Variants in THSD4 observed in about 807,000 individuals in gnomAD.
THSD4 encodes thrombospondin type-1 domain-containing protein 4.
Under a neutral mutation model 119.0 loss-of-function variants are expected in THSD4, and 69 were observed. The observed-to-expected ratio is 0.58, with a 90% CI of 0.48 to 0.71. THSD4 has a LOEUF of 0.71. Ranked by LOEUF, THSD4 falls within the 30% of genes least tolerant of loss-of-function variation. The pLI, the probability that THSD4 is intolerant of heterozygous loss-of-function variation, is 0.00. For missense variants in THSD4, 1,393 were observed against 1,391.1 expected, an observed-to-expected ratio of 1.00 and a Z score of -0.02; for synonymous variants, 524 against 540.4, an observed-to-expected ratio of 0.97 and a Z score of 0.42.
chr15:71,754,634 A>G (rs560500492), intron 14 of THSD4, among the ~76,000 whole-genome samples: 1 of 152,352 alleles, frequency 6.6e-6, no homozygotes, highest in Admixed American at 6.5e-5. Flanking sequence ...AGCAAAGGAC[A>G]TGAAAAATGT....
rs750577790 is a variant in THSD4, at chr15:71,419,612, A to G, written c.1152+7789A>G. Reference sequence around the variant, plus strand: ...CTACTTTTTTGATGTAGGTGCTTATAAGTATAAACATCCCTCTTAGTACTG... The same window carrying G: ...CTACTTTTTTGATGTAGGTGCTTATGAGTATAAACATCCCTCTTAGTACTG... On this transcript the variant is annotated intron_variant, in intron 7 of 17. Transcript: ENST00000261862. Among the ~76,000 whole-genome samples, 5 of 108,218 alleles carry G rather than the reference A, an allele frequency of 4.6e-5. 1 individual carries two copies. The highest frequency in any genetic ancestry group is 1.0e-4 in the Non-Finnish European group (5 of 49,240). 71.0% of individuals were successfully genotyped at this position (108,218 alleles called of 152,430 possible). A position where few individuals can be genotyped will look rare whatever the true frequency, so the allele number is the denominator to read the frequency against.
intron 7 of THSD4, among the ~76,000 whole-genome samples, chr15:71,561,863 AAC>A (rs71154780): frequency 0.03 from 3,858 of 130,242 alleles, 57 homozygotes; most frequent in Non-Finnish European, 0.04. Flanking sequence ...TTTTAAAATA[AAC>A]ACACACACAC....
chr15:71,648,778 T>A (rs1377404253), intron 7 of THSD4, among the ~76,000 whole-genome samples: 1 of 152,126 alleles, frequency 6.6e-6, no homozygotes, highest in Non-Finnish European at 1.5e-5. Flanking sequence ...GGGGATCCCA[T>A]GGCCAGACTG....
At chr15:71,709,996 T>C (rs1038588612) in intron 8 of THSD4, among the ~76,000 whole-genome samples, 15 of 152,224 alleles carry the variant, frequency 9.9e-5, no homozygotes, top group African/African-American at 3.6e-4. Context: ...CCCCTGCCTC[T>C]GAAGCTGCTC....
chr15:71,255,440 T>C (rs2044304777), intron 5 of THSD4, among the ~76,000 whole-genome samples: 1 of 152,230 alleles, frequency 6.6e-6, no homozygotes, highest in African/African-American at 2.4e-5. Context: ...AGCAGTATGT[T>C]TTCCTTGAGT....
chr15:71,580,850 C>A (rs1008051198), intron 7 of THSD4, among the ~76,000 whole-genome samples: 1 of 151,922 alleles, frequency 6.6e-6, no homozygotes, highest in African/African-American at 2.4e-5. Flanking sequence ...GAATAATATT[C>A]CATTATATAC....
intron 1 of THSD4, among the ~76,000 whole-genome samples, chr15:71,116,633 G>C (rs1274990572): frequency 6.6e-6 from 1 of 152,130 alleles, no homozygotes. Flanking sequence ...GCTTGGACGT[G>C]GGTAGCAATC....
chr15:71,633,950 G>A (rs1247898848), intron 7 of THSD4, among the ~76,000 whole-genome samples: 1 of 152,160 alleles, frequency 6.6e-6, no homozygotes, highest in African/African-American at 2.4e-5. Flanking sequence ...ACTTTGGGAG[G>A]CCAAGGCAGG....
At chr15:71,701,810 G>A (rs2052294734) in intron 8 of THSD4, among the ~76,000 whole-genome samples, 1 of 152,110 alleles carries the variant, frequency 6.6e-6, no homozygotes, top group African/African-American at 2.4e-5. Context: ...TTATCCTTGT[G>A]GAGTGAAGCG....
At chr15:71,123,298 G>A (rs775253360) in intron 1 of THSD4, among the ~76,000 whole-genome samples, 20 of 152,228 alleles carry the variant, frequency 1.3e-4, no homozygotes, top group Admixed American at 3.3e-4. Context: ...TGTGCATCAG[G>A]TGGCAGTGCC....
At chr15:71,394,105 G>A (rs1400904026) in intron 6 of THSD4, among the ~76,000 whole-genome samples, 1 of 148,562 alleles carries the variant, frequency 6.7e-6, no homozygotes, top group Admixed American at 6.8e-5. Context: ...ATATTTAGTA[G>A]AAGTATGTCC....
chr15:71,166,489 C>A (rs935029370), intron 3 of THSD4, among the ~76,000 whole-genome samples: 6 of 152,144 alleles, frequency 3.9e-5, no homozygotes, highest in Admixed American at 1.3e-4. Flanking sequence ...ACTGGGAGAC[C>A]CTTTTATAGC....
intron 7 of THSD4, among the ~76,000 whole-genome samples, chr15:71,563,873 G>A (rs2140885742): frequency 6.6e-6 from 1 of 152,148 alleles, no homozygotes; most frequent in Non-Finnish European, 1.5e-5. Context: ...GCCCTAACAT[G>A]CCCCAGACCT....
chr15:71,635,813 T>G (rs1012970724), intron 7 of THSD4, among the ~76,000 whole-genome samples: 2 of 152,232 alleles, frequency 1.3e-5, no homozygotes, highest in Non-Finnish European at 2.9e-5. Context: ...ACATGGCACT[T>G]TAAAAGAATG....
At chr15:71,699,514 T>C (rs2052241487) in intron 8 of THSD4, among the ~76,000 whole-genome samples, 1 of 152,228 alleles carries the variant, frequency 6.6e-6, no homozygotes, top group African/African-American at 2.4e-5. Context: ...TTTCTCTGCA[T>C]TAGACATTTC....
At chr15:71,547,509 A>G in intron 7 of THSD4, 2 of 1,548,596 alleles carry the variant, frequency 1.3e-6, no homozygotes, top group Non-Finnish European at 1.7e-6. Flanking sequence ...TCTTGTCAGA[A>G]GTTGTATTTT....
intron 7 of THSD4, among the ~76,000 whole-genome samples, chr15:71,457,057 C>T (rs1260553722): frequency 6.6e-6 from 1 of 152,040 alleles, no homozygotes; most frequent in African/African-American, 2.4e-5. Context: ...GGATAAAGTC[C>T]CCAGGGTATG....
At chr15:71,415,899 C>T (rs2046754074) in intron 7 of THSD4, among the ~76,000 whole-genome samples, 1 of 152,146 alleles carries the variant, frequency 6.6e-6, no homozygotes. Flanking sequence ...CAGGTTCAAG[C>T]CATTCTCCTG....
chr15:71,718,946 T>G (rs747491922), intron 8 of THSD4, among the ~76,000 whole-genome samples: 17 of 152,208 alleles, frequency 1.1e-4, no homozygotes, highest in Non-Finnish European at 2.2e-4. Flanking sequence ...AGCTGTACCT[T>G]TACAACCCCC....
Sources: allele counts gnomAD v4.1 joint callset (sites outside exome capture counted in the v4.1 genomes callset), GRCh38; gene constraint gnomAD v4.1.1; transcripts MANE v1.5; gene names NCBI Gene and HGNC (gene_info 2026-07-23, HGNC 2026-07-21).